MGAT5: variants seen among roughly 807,000 people sequenced by gnomAD.
MGAT5 encodes alpha-1,6-mannosylglycoprotein 6-beta-N-acetylglucosaminyltransferase A.
Under a neutral mutation model 94.3 loss-of-function variants are expected in MGAT5, and 30 were observed. The observed-to-expected ratio is 0.32, with a 90% CI of 0.24 to 0.43. MGAT5 has a LOEUF of 0.43. MGAT5 is among the 20% of genes least tolerant of loss of function. MGAT5 has a pLI of 1.00. For missense variants in MGAT5, 691 were observed against 905.5 expected, an observed-to-expected ratio of 0.76 and a Z score of 3.04; for synonymous variants, 310 against 322.9, an observed-to-expected ratio of 0.96 and a Z score of 0.43.
chr2:134,134,697 TG>T (rs766805186), intron 1 of MGAT5, among the ~76,000 whole-genome samples: 1 of 152,012 alleles, frequency 6.6e-6, no homozygotes, highest in Non-Finnish European at 1.5e-5. Flanking sequence ...ATCAGCAATT[TG>T]GGGGGGCAAT....
At chr2:134,252,362 G>A (rs1682657663), upstream of MGAT5, among the ~76,000 whole-genome samples, 1 of 152,234 alleles carries the variant, frequency 6.6e-6, no homozygotes, top group East Asian at 1.9e-4. Context: ...TGATGGGGCA[G>A]AGGAACTTAC....
rs758418468 is a variant in MGAT5 at position 134,428,365 on chromosome 2, A to G, written c.1795A>G (p.Ile599Val). The change falls in exon 14 of 16, where the codon ATT (isoleucine) becomes GTT (valine). Residue 599 changes from isoleucine to valine, a missense_variant and splice_region_variant. Physicochemically the swap from Ile to Val is conservative, Grantham distance 29 (BLOSUM62 3). Around this residue, in one of 4 missense-constraint regions of MGAT5, gnomAD observed 260 missense variants for 347.0 expected, o/e 0.75. Coordinates refer to ENST00000281923, the MANE Select transcript of MGAT5 (RefSeq NM_002410.5). ...ATGGTATCATGCTCTGTTTCCACAG[A>G]TTGAGCCATACATGCCATATGAATT... is the stretch of plus-strand genomic sequence containing the variant. Reference protein sequence around the residue: ...DAVKAILNQKIEPYMPYEFTC... With the variant: ...DAVKAILNQKVEPYMPYEFTC... The G allele has an allele frequency of 8.1e-6, 13 of 1,613,846 alleles. No individual in the cohort carries two copies. Among genetic ancestry groups the G allele is most frequent in the Non-Finnish European group, 1.1e-5 (13 of 1,179,904 alleles).
At chr2:134,264,839 T>A (rs1683595289) in intron 1 of MGAT5, among the ~76,000 whole-genome samples, 1 of 152,228 alleles carries the variant, frequency 6.6e-6, no homozygotes, top group South Asian at 2.1e-4. Context: ...GGCTCTGTTG[T>A]TCATGCTCTG....
intron 10 of MGAT5, among the ~76,000 whole-genome samples, chr2:134,362,758 C>A (rs531553848): frequency 2.8e-4 from 43 of 152,350 alleles, no homozygotes; most frequent in African/African-American, 9.9e-4. Flanking sequence ...AGAAACTTTA[C>A]CAAGGGAGTC....
Position 134,158,410 on chromosome 2 carries a change from G to A in MGAT5, c.-143+38119G>A, listed in dbSNP as rs550134590. ...GGTGGCAGAGGGCTGGCATGTCAGC[G>A]CTGCCCCAAGTGTGCTTATACGTGG... On this transcript the variant is annotated intron_variant, in intron 1 of 16. Transcript: ENST00000409645. Among the ~76,000 whole-genome samples the A allele has an allele frequency of 5.9e-5, 9 of 152,340 alleles. No individual in the cohort carries two copies. In the East Asian group the frequency reaches 7.7e-4, roughly 13 times the overall value.
chr2:134,416,751 C>T (rs1245215216), intron 12 of MGAT5, among the ~76,000 whole-genome samples: 1 of 145,034 alleles, frequency 6.9e-6, no homozygotes, highest in Non-Finnish European at 1.5e-5. Context: ...CACCCCACCA[C>T]ACCCAGCTAA....
At chr2:134,191,082 C>T (rs1460812452) in intron 1 of MGAT5, among the ~76,000 whole-genome samples, 3 of 152,260 alleles carry the variant, frequency 2.0e-5, no homozygotes, top group African/African-American at 7.2e-5. Context: ...TCCCTCCCCG[C>T]CAGTCCCTGG....
intron 1 of MGAT5, among the ~76,000 whole-genome samples, chr2:134,121,258 G>C (rs1398564169): frequency 1.3e-5 from 2 of 152,242 alleles, no homozygotes; most frequent in Non-Finnish European, 2.9e-5. Context: ...GGGGTGGCCA[G>C]AGGCCTGGAG....
At chr2:134,276,172 G>A (rs1244414692) in intron 2 of MGAT5, among the ~76,000 whole-genome samples, 5 of 65,486 alleles carry the variant, frequency 7.6e-5, no homozygotes, top group East Asian at 4.9e-4. Flanking sequence ...CACCCCCGCC[G>A]CCCGCCAATC....
intron 13 of MGAT5, among the ~76,000 whole-genome samples, chr2:134,424,196 T>C (rs753398322): frequency 6.6e-6 from 1 of 152,134 alleles, no homozygotes; most frequent in Non-Finnish European, 1.5e-5. Flanking sequence ...GGGAAGAGGC[T>C]GGAAAGGCAT....
intron 13 of MGAT5, among the ~76,000 whole-genome samples, chr2:134,423,678 C>T (rs1333801879): frequency 6.6e-6 from 1 of 152,180 alleles, no homozygotes; most frequent in Non-Finnish European, 1.5e-5. Flanking sequence ...GCAGGCTGGA[C>T]GCACACAGTG....
chr2:134,152,687 A>G (rs1270408254), intron 1 of MGAT5, among the ~76,000 whole-genome samples: 1 of 152,240 alleles, frequency 6.6e-6, no homozygotes, highest in East Asian at 1.9e-4. Flanking sequence ...CGTGGTAACT[A>G]TGTTTGTCTC....
chr2:134,342,995 T>A (rs1420269460), intron 7 of MGAT5, among the ~76,000 whole-genome samples: 5 of 152,208 alleles, frequency 3.3e-5, no homozygotes, highest in Non-Finnish European at 7.3e-5. Flanking sequence ...GTATCGTTTG[T>A]CACTGTGTAG....
At chr2:134,400,154 T>G (rs1351918993) in intron 10 of MGAT5, among the ~76,000 whole-genome samples, 2 of 152,110 alleles carry the variant, frequency 1.3e-5, no homozygotes, top group African/African-American at 4.8e-5. Context: ...GAACCACAGG[T>G]GCAAAACTGG....
At chr2:134,377,168 G>A (rs938818861) in intron 10 of MGAT5, among the ~76,000 whole-genome samples, 1 of 152,246 alleles carries the variant, frequency 6.6e-6, no homozygotes, top group African/African-American at 2.4e-5. Flanking sequence ...CATGAAGCAA[G>A]AGTTAACTTT....
intron 1 of MGAT5, among the ~76,000 whole-genome samples, chr2:134,257,805 T>A (rs910603176): frequency 2.0e-5 from 3 of 148,170 alleles, no homozygotes; most frequent in Non-Finnish European, 4.5e-5. Context: ...AGAACAGTGA[T>A]GTGGATGCAT....
chr2:134,314,095 A>T (rs542292492), intron 2 of MGAT5, among the ~76,000 whole-genome samples: 70 of 152,316 alleles, frequency 4.6e-4, no homozygotes, highest in Admixed American at 1.2e-3. Context: ...CTATGGTGTG[A>T]TGGAAAGTCT....
chr2:134,417,581 A>T (rs1305037362), intron 12 of MGAT5, among the ~76,000 whole-genome samples: 1 of 152,156 alleles, frequency 6.6e-6, no homozygotes, highest in East Asian at 1.9e-4. Context: ...GAAGTTATGC[A>T]TTTTTGGCAA....
chr2:134,412,480 G>GT (rs1683726250), intron 11 of MGAT5, among the ~76,000 whole-genome samples: 1 of 151,990 alleles, frequency 6.6e-6, no homozygotes, highest in Admixed American at 6.5e-5. Flanking sequence ...CTTCTGTGTA[G>GT]TTAAGCAAGT....
Sources: allele counts gnomAD v4.1 joint callset (sites outside exome capture counted in the v4.1 genomes callset), GRCh38; gene constraint gnomAD v4.1.1; regional missense constraint gnomAD v4.1.1; transcripts MANE v1.5; gene names NCBI Gene and HGNC (gene_info 2026-07-23, HGNC 2026-07-21).